MID1: variants seen among roughly 807,000 people sequenced by gnomAD.
The protein encoded by MID1 is midline 1, also known as E3 ubiquitin-protein ligase Midline-1.
A neutral mutation model predicts 40.4 loss-of-function variants in MID1; 7 were observed. The observed-to-expected ratio is 0.17, with a 90% CI of 0.10 to 0.33. MID1 has a LOEUF of 0.33. Ranked by LOEUF, MID1 falls within the 10% of genes least tolerant of loss-of-function variation. MID1 has a pLI of 1.00. For synonymous variants in MID1, 229 were observed against 221.2 expected, an observed-to-expected ratio of 1.04 and a Z score of -0.31; for missense variants, 367 against 558.5, an observed-to-expected ratio of 0.66 and a Z score of 3.46.
At chrX:10,688,807 G>T (rs2043114969) in intron 1 of MID1, among the ~76,000 whole-genome samples, 1 of 111,517 alleles carries the variant, frequency 9.0e-6, no homozygotes, top group South Asian at 3.7e-4. Flanking sequence ...ATTGAGAAAA[G>T]AAAAAGTTCA....
chrX:10,810,203 T>C (rs896817488), intron 1 of MID1, among the ~76,000 whole-genome samples: 5 of 112,024 alleles, frequency 4.5e-5, no homozygotes, highest in African/African-American at 1.3e-4. Context: ...TAATCTCTGT[T>C]CTACTTTTTA....
At chrX:10,648,723 G>A (rs1936287353) in intron 1 of MID1, among the ~76,000 whole-genome samples, 1 of 111,597 alleles carries the variant, frequency 9.0e-6, no homozygotes, top group South Asian at 3.8e-4. Flanking sequence ...GGGCACACGG[G>A]AAGACCATTA....
At chrX:10,769,774 G>A (rs771454444) in intron 1 of MID1, among the ~76,000 whole-genome samples, 11 of 111,334 alleles carry the variant, frequency 9.9e-5, no homozygotes, top group Non-Finnish European at 1.7e-4. Flanking sequence ...GCTTCATACC[G>A]CCTGGACAGA....
intron 1 of MID1, among the ~76,000 whole-genome samples, chrX:10,761,431 A>G (rs2043677614): frequency 8.9e-6 from 1 of 111,981 alleles, no homozygotes; most frequent in South Asian, 3.7e-4. Context: ...ATTGGCCCCA[A>G]TCCTTCACCT....
Position 10,821,997 on chromosome X carries a change from CT to C in MID1, c.-187+11556del, listed in dbSNP as rs201727418. On this transcript the variant is annotated intron_variant, in intron 1 of 10. Coordinates refer to the MID1 transcript ENST00000380785. ...CCTTCCTCTAACATCTCTTGCTGATCTTTTTTTTCTCATTTTTTTTTCTTTT... is the reference window on the plus strand; with the variant it reads ...CCTTCCTCTAACATCTCTTGCTGATCTTTTTTTCTCATTTTTTTTTCTTTT... Among the ~76,000 whole-genome samples the C allele has an allele frequency of 9.0e-3, 996 of 110,837 alleles. 9 individuals carry two copies. Among genetic ancestry groups the C allele is most frequent in the African/African-American group, 0.031 (934 of 30,492 alleles).
At chrX:10,666,013 G>C (rs2042947879) in intron 1 of MID1, among the ~76,000 whole-genome samples, 1 of 108,585 alleles carries the variant, frequency 9.2e-6, no homozygotes, top group African/African-American at 3.4e-5. Context: ...CACATTTTCT[G>C]GATGGGGAAC....
At chrX:10,542,701 T>TC (rs950569356) in intron 2 of MID1, among the ~76,000 whole-genome samples, 1 of 112,058 alleles carries the variant, frequency 8.9e-6, no homozygotes, top group African/African-American at 3.2e-5. Flanking sequence ...TCTTAGTGTC[T>TC]TCCCATCCCT....
In MID1 at chrX:10,525,287, T is replaced by C. The variant is rs555690319; in HGVS notation, c.661-2100A>G. 4.0e-4 allele frequency among the ~76,000 whole-genome samples: 45 copies of C among 112,249 alleles called. No individual in the cohort carries two copies. In the South Asian group the frequency reaches 0.016, roughly 40 times the overall value. On this transcript the variant is annotated intron_variant, in intron 2 of 9. Coordinates refer to ENST00000317552, the MANE Select transcript of MID1 (RefSeq NM_000381.4). ...TTTTAAAACAAGTTAAACTTATTAA[T>C]CTGGTGTTTATCCTATTGACTGATT...
chrX:10,670,373 T>C (rs970535779), intron 1 of MID1, among the ~76,000 whole-genome samples: 1 of 111,677 alleles, frequency 9.0e-6, no homozygotes, highest in Non-Finnish European at 1.9e-5. Flanking sequence ...AAGTAAATAG[T>C]CTATAATTCC....
At position 10,737,199 on chromosome X, in the gene MID1, T is replaced by C. The variant is rs189805352; in HGVS notation, c.-187+96355A>G. 2.8e-3 allele frequency among the ~76,000 whole-genome samples: 321 copies of C among 112,673 alleles called. 1 individual carries two copies. The highest frequency in any genetic ancestry group is 0.01 in the African/African-American group (312 of 31,073). ...CCTTACTTTGACCCCTTCAAAAATA[T>C]GCTTAGGAACAAACATAAGCTCCAA... On this transcript the variant is annotated intron_variant, in intron 1 of 10. Transcript: ENST00000380785.
chrX:10,604,716 A>G (rs1935593777), intron 1 of MID1, among the ~76,000 whole-genome samples: 1 of 112,389 alleles, frequency 8.9e-6, no homozygotes, highest in Non-Finnish European at 1.9e-5. Context: ...GAAAATCCCT[A>G]CAATTTCAGT....
chrX:10,623,340 A>AAGGAAGGGG (rs1569131251), upstream of MID1, among the ~76,000 whole-genome samples: 15 of 110,641 alleles, frequency 1.4e-4, no homozygotes, highest in African/African-American at 4.6e-4. Flanking sequence ...GAAGGAAGGG[A>AAGGAAGGGG]AAAAGAAAAG....
At chrX:10,692,297 C>A (rs2147076962) in intron 1 of MID1, among the ~76,000 whole-genome samples, 1 of 111,101 alleles carries the variant, frequency 9.0e-6, no homozygotes, top group East Asian at 2.8e-4. Flanking sequence ...CCCTGGAGGC[C>A]CAGCTGTAAA....
In MID1 at chrX:10,805,286, G is replaced by C. The variant is rs1445246632; in HGVS notation, c.-187+28268C>G. On this transcript the variant is annotated intron_variant, in intron 1 of 10. Coordinates refer to the MID1 transcript ENST00000380785. ...CTTCCTGTGTCCATGTGTTCTCATT[G>C]TTCAATTCCCACCTATGAGTGAGAA... 4.4e-5 allele frequency among the ~76,000 whole-genome samples: 4 copies of C among 90,986 alleles called. No individual in the cohort carries two copies. In the South Asian group the frequency reaches 1.8e-3, roughly 40 times the overall value. 79.0% of individuals were successfully genotyped at this position (90,986 alleles called of 115,157 possible). A position where few individuals can be genotyped will look rare whatever the true frequency, so the allele number is the denominator to read the frequency against.
intron 1 of MID1, among the ~76,000 whole-genome samples, chrX:10,626,001 G>A (rs1935991399): frequency 9.0e-6 from 1 of 110,736 alleles, no homozygotes; most frequent in African/African-American, 3.3e-5. Context: ...GGACTCTGGG[G>A]GAAAAATGAT....
At chrX:10,556,789 G>A (rs778747402) in intron 2 of MID1, among the ~76,000 whole-genome samples, 27 of 112,132 alleles carry the variant, frequency 2.4e-4, no homozygotes, top group African/African-American at 6.5e-4. Flanking sequence ...CAAAAGTCCA[G>A]AATATAAAGT....
intron 1 of MID1, among the ~76,000 whole-genome samples, chrX:10,710,267 T>C (rs938339343): frequency 3.6e-5 from 4 of 111,266 alleles, no homozygotes; most frequent in Non-Finnish European, 7.5e-5. Flanking sequence ...TATTTTCTGC[T>C]CTGTAGTTTA....
chrX:10,783,704 T>C (rs1481091717), intron 1 of MID1, among the ~76,000 whole-genome samples: 2 of 112,273 alleles, frequency 1.8e-5, no homozygotes, highest in Non-Finnish European at 3.8e-5. Context: ...ATAGGAAAAA[T>C]GTTAAAGCTA....
chrX:10,699,716 T>C (rs767167163), intron 1 of MID1, among the ~76,000 whole-genome samples: 170 of 112,125 alleles, frequency 1.5e-3, no homozygotes, highest in Non-Finnish European at 1.4e-3. Flanking sequence ...AGTCAGATAA[T>C]CACAAATACA....
Sources: allele counts gnomAD v4.1 joint callset (sites outside exome capture counted in the v4.1 genomes callset), GRCh38; gene constraint gnomAD v4.1.1; transcripts MANE v1.5; gene names NCBI Gene and HGNC (gene_info 2026-07-23, HGNC 2026-07-21).